Variants in ANO3 observed in about 807,000 individuals in gnomAD.
ANO3 encodes the protein anoctamin-3.
ANO3 carries 99 observed loss-of-function variants against 144.8 expected under a neutral mutation model. The observed-to-expected ratio is 0.68, with a 90% confidence interval of 0.58 to 0.81. ANO3 has a LOEUF of 0.81. Ranked by LOEUF, ANO3 falls within the 30% of genes least tolerant of loss-of-function variation. The pLI is 0.00. For missense variants in ANO3, 905 were observed against 1,202.2 expected (o/e 0.75, Z 3.66); for synonymous variants, 414 against 392.6 (o/e 1.05, Z -0.64).
chr11:26,538,663 C>A (rs1173715016), intron 10 of ANO3, among the ~76,000 whole-genome samples: 1 of 152,070 alleles, frequency 6.6e-6, no homozygotes, highest in Non-Finnish European at 1.5e-5. Flanking sequence ...TCTGAAAGTT[C>A]ATTTGACAGG....
chr11:26,231,067 C>T (rs969807801), intron 1 of ANO3, among the ~76,000 whole-genome samples: 7 of 151,792 alleles, frequency 4.6e-5, no homozygotes, highest in Admixed American at 1.3e-4. Flanking sequence ...TTAGTAGACA[C>T]GGGGTTTCAA....
At chr11:26,248,352 TA>T (rs796115293) in intron 1 of ANO3, among the ~76,000 whole-genome samples, 1 of 151,534 alleles carries the variant, frequency 6.6e-6, no homozygotes, top group Non-Finnish European at 1.5e-5. Context: ...TAAAAAGAAA[TA>T]AAAAAAGAAA....
chr11:26,435,270 G>A (rs539589896), intron 1 of ANO3, among the ~76,000 whole-genome samples: 3 of 152,170 alleles, frequency 2.0e-5, no homozygotes, highest in Non-Finnish European at 4.4e-5. Context: ...GGCTTGCAGG[G>A]TTTCTTCTGA....
At chr11:26,303,017 G>C (rs1017486400) in intron 1 of ANO3, among the ~76,000 whole-genome samples, 1 of 152,120 alleles carries the variant, frequency 6.6e-6, no homozygotes, top group Admixed American at 6.5e-5. Flanking sequence ...AATCAGAATG[G>C]TTATAATTAA....
intron 1 of ANO3, among the ~76,000 whole-genome samples, chr11:26,235,427 T>C (rs1396010105): frequency 6.6e-6 from 1 of 152,172 alleles, no homozygotes; most frequent in African/African-American, 2.4e-5. Flanking sequence ...CAGTTTCAAA[T>C]ACCACAAGAT....
intron 1 of ANO3, among the ~76,000 whole-genome samples, chr11:26,325,077 T>C (rs1854851592): frequency 6.6e-6 from 1 of 152,124 alleles, no homozygotes; most frequent in African/African-American, 2.4e-5. Flanking sequence ...ATACAAACCC[T>C]TGTTTTTATT....
chr11:26,210,483 T>C (rs1851909207), intron 1 of ANO3, among the ~76,000 whole-genome samples: 1 of 152,182 alleles, frequency 6.6e-6, no homozygotes, highest in Non-Finnish European at 1.5e-5. Context: ...TTTGGTTCCA[T>C]ATAAAATTTA....
intron 1 of ANO3, among the ~76,000 whole-genome samples, chr11:26,357,195 A>T (rs188144908): frequency 2.0e-5 from 3 of 152,342 alleles, no homozygotes; most frequent in Admixed American, 1.3e-4. Context: ...ATTGAGTACA[A>T]ATCTTAGTAT....
intron 17 of ANO3, among the ~76,000 whole-genome samples, chr11:26,618,439 G>A (rs997506874): frequency 6.6e-6 from 1 of 152,038 alleles, no homozygotes; most frequent in African/African-American, 2.4e-5. Flanking sequence ...TTGGACTGTT[G>A]CAGCAGGCTT....
chr11:26,569,475 C>G (rs1015217909), intron 14 of ANO3, among the ~76,000 whole-genome samples: 2 of 152,052 alleles, frequency 1.3e-5, no homozygotes, highest in Admixed American at 6.6e-5. Flanking sequence ...GCCACTTACT[C>G]AGGTTCCTTT....
chr11:26,538,552 T>G (rs541176517), intron 10 of ANO3, among the ~76,000 whole-genome samples: 1 of 152,242 alleles, frequency 6.6e-6, no homozygotes, highest in Non-Finnish European at 1.5e-5. Context: ...TGGTAAAGTG[T>G]TCAGAATGGC....
At chr11:26,626,200 T>C (rs1269695840) in intron 18 of ANO3, among the ~76,000 whole-genome samples, 1 of 152,224 alleles carries the variant, frequency 6.6e-6, no homozygotes, top group Non-Finnish European at 1.5e-5. Flanking sequence ...GGTGAAAACC[T>C]TTTATCATTT....
chr11:26,609,579 G>A (rs557261705), intron 17 of ANO3, among the ~76,000 whole-genome samples: 46 of 152,040 alleles, frequency 3.0e-4, no homozygotes, highest in South Asian at 2.3e-3. Context: ...TGCAATCACC[G>A]CTGCTTCTAG....
At chr11:26,392,901 G>A (rs1196708876) in intron 1 of ANO3, among the ~76,000 whole-genome samples, 1 of 151,988 alleles carries the variant, frequency 6.6e-6, no homozygotes, top group Non-Finnish European at 1.5e-5. Context: ...CTTAAAATAG[G>A]AATAATGGTA....
chr11:26,213,360 A>G (rs912192321), intron 1 of ANO3, among the ~76,000 whole-genome samples: 1 of 152,152 alleles, frequency 6.6e-6, no homozygotes, highest in Non-Finnish European at 1.5e-5. Context: ...TGCAGATGAC[A>G]TGATTGTATA....
At chr11:26,442,640 C>T (rs1858561768) in intron 2 of ANO3, among the ~76,000 whole-genome samples, 1 of 152,164 alleles carries the variant, frequency 6.6e-6, no homozygotes, top group Non-Finnish European at 1.5e-5. Flanking sequence ...TGTGGCTACC[C>T]TTAGGCACTC....
At chr11:26,549,499 C>T (rs1189234295) in intron 12 of ANO3, among the ~76,000 whole-genome samples, 8 of 151,722 alleles carry the variant, frequency 5.3e-5, no homozygotes, top group Non-Finnish European at 1.0e-4. Context: ...CTCTTTTTTG[C>T]TTGTTGCAGG....
chr11:26,451,467 G>A (rs1212503285), intron 3 of ANO3, among the ~76,000 whole-genome samples: 5 of 152,152 alleles, frequency 3.3e-5, no homozygotes, highest in South Asian at 2.1e-4. Context: ...CTACGCCCAC[G>A]GAGTCTCGCT....
chr11:26,373,103 GAC>G lies in ANO3; in HGVS notation c.46+40794_46+40795del, dbSNP rs201382854. On this transcript the variant is annotated intron_variant, in intron 1 of 26. Transcript: ENST00000256737. ...CATGGCAATTATGTATATACGGGCA[GAC>G]ACACACACACATATAAATGTAAATG... Among the ~76,000 whole-genome samples, 14 of 152,074 alleles carry G rather than the reference GAC, an allele frequency of 9.2e-5. No homozygotes were observed. In the East Asian group the frequency reaches 2.1e-3, roughly 23 times the overall value.
Sources: gnomAD v4.1 joint callset for allele counts (sites outside exome capture counted in the v4.1 genomes callset) on GRCh38, gnomAD v4.1.1 for gene constraint, MANE v1.5 for transcripts, NCBI Gene and HGNC (gene_info 2026-07-23, HGNC 2026-07-21) for gene names.